Variants in MTMR7 observed in about 807,000 individuals in gnomAD.
MTMR7 encodes phosphatidylinositol-3-phosphate phosphatase MTMR7.
MTMR7 carries 76 observed loss-of-function variants against 81.2 expected under a neutral mutation model. The ratio of observed to expected loss-of-function variants is 0.94; its 90% CI spans 0.78 to 1.13. The LOEUF (loss-of-function observed/expected upper bound fraction) is 1.13, where lower values mean the gene tolerates loss of function less well. Ranked by LOEUF, MTMR7 falls within the 50% of genes most tolerant of loss-of-function variation. The pLI, the probability that MTMR7 is intolerant of heterozygous loss-of-function variation, is 0.00. For missense variants in MTMR7, 1,044 were observed against 820.0 expected, an observed-to-expected ratio of 1.27 and a Z score of -3.34; for synonymous variants, 372 against 289.8, an observed-to-expected ratio of 1.28 and a Z score of -2.88.
At chr8:17,346,884 T>TAAA (rs55910829) in intron 5 of MTMR7, among the ~76,000 whole-genome samples, 4,448 of 65,040 alleles carry the variant, frequency 0.068, 417 homozygotes, top group Non-Finnish European at 0.099. Context: ...CCTATCTTAA[T>TAAA]AAAAAAAAAA....
At chr8:17,301,622 A>G (rs1327698223) in intron 13 of MTMR7, 1 of 152,764 alleles carries the variant, frequency 6.5e-6, no homozygotes, top group Non-Finnish European at 1.5e-5. Flanking sequence ...AGATGTTCAT[A>G]AACTACATTA....
intron 1 of MTMR7, among the ~76,000 whole-genome samples, chr8:17,410,329 A>T (rs1274757174): frequency 1.3e-5 from 2 of 152,216 alleles, no homozygotes; most frequent in Non-Finnish European, 2.9e-5. Context: ...ACTTACCAGG[A>T]TCCTGGACAC....
chr8:17,354,119 T>C (rs1009721975), intron 4 of MTMR7, among the ~76,000 whole-genome samples: 1 of 152,196 alleles, frequency 6.6e-6, no homozygotes, highest in Admixed American at 6.5e-5. Context: ...CTGAGCACTG[T>C]AGGGTAAGAG....
At chr8:17,392,487 T>G (rs1420543361) in intron 1 of MTMR7, among the ~76,000 whole-genome samples, 1 of 152,216 alleles carries the variant, frequency 6.6e-6, no homozygotes, top group East Asian at 1.9e-4. Context: ...CCCTCTTACT[T>G]TCCTCCACTA....
At chr8:17,345,490 T>C (rs116546243) in intron 5 of MTMR7, among the ~76,000 whole-genome samples, 1 of 152,342 alleles carries the variant, frequency 6.6e-6, no homozygotes, top group African/African-American at 2.4e-5. Context: ...TGTGGTGTCC[T>C]CCTCCCCTTG....
chr8:17,301,453 C>A (rs548626665), intron 13 of MTMR7, among the ~76,000 whole-genome samples: 1 of 152,142 alleles, frequency 6.6e-6, no homozygotes, highest in South Asian at 2.1e-4. Flanking sequence ...GTAGGAAGGT[C>A]TAAATTGTAT....
At chr8:17,336,270 C>T (rs1021704900) in intron 6 of MTMR7, among the ~76,000 whole-genome samples, 1 of 152,120 alleles carries the variant, frequency 6.6e-6, no homozygotes, top group Non-Finnish European at 1.5e-5. Flanking sequence ...GGCGGCTGAG[C>T]CCTTTTAGGA....
At chr8:17,373,263 A>G in intron 1 of MTMR7, 23 bp from the exon 2 acceptor site, 1 of 1,605,586 alleles carries the variant, frequency 6.2e-7, no homozygotes, top group South Asian at 1.1e-5. Flanking sequence ...GCATGATGAA[A>G]AGAGTTACCG....
chr8:17,329,695 G>T (rs1334198547), intron 7 of MTMR7, among the ~76,000 whole-genome samples: 4 of 152,200 alleles, frequency 2.6e-5, no homozygotes, highest in African/African-American at 9.7e-5. Flanking sequence ...TCAGACTAAA[G>T]TCAGACTGCC....
chr8:17,350,759 T>C (rs958878778), intron 4 of MTMR7, among the ~76,000 whole-genome samples: 1 of 152,314 alleles, frequency 6.6e-6, no homozygotes, highest in African/African-American at 2.4e-5. Flanking sequence ...TGACCTCCAC[T>C]GTCTTTGTTA....
At chr8:17,354,506 G>A (rs980653762) in intron 4 of MTMR7, among the ~76,000 whole-genome samples, 2 of 152,194 alleles carry the variant, frequency 1.3e-5, no homozygotes, top group Non-Finnish European at 2.9e-5. Flanking sequence ...TATAAATAGC[G>A]ATGGTGGTAA....
In MTMR7 at chr8:17,396,898, T is replaced by C. The variant is rs193210121; in HGVS notation, c.24+16371A>G. On this transcript the variant is annotated intron_variant, in intron 1 of 13. Transcript: ENST00000180173. ...ACAACTCAGCTACAAAAGGATCAGATACCAGGCAGAGTTAGTTGTGAGGCC... is the reference window on the plus strand; with the variant it reads ...ACAACTCAGCTACAAAAGGATCAGACACCAGGCAGAGTTAGTTGTGAGGCC... 3.4e-3 allele frequency among the ~76,000 whole-genome samples: 521 copies of C among 151,896 alleles called. 2 individuals carry two copies. Among genetic ancestry groups the C allele is most frequent in the African/African-American group, 0.011 (474 of 41,458 alleles).
At chr8:17,328,174 A>T (rs1205758918) in intron 7 of MTMR7, among the ~76,000 whole-genome samples, 1 of 152,186 alleles carries the variant, frequency 6.6e-6, no homozygotes, top group Non-Finnish European at 1.5e-5. Flanking sequence ...CAGAGGAGGA[A>T]GATGTCCCTG....
chr8:17,311,444 T>G, intron 9 of MTMR7, 67 bp downstream of exon 9: 1 of 1,602,184 alleles, frequency 6.2e-7, no homozygotes, highest in Non-Finnish European at 8.5e-7. Flanking sequence ...TGCCAGTAGT[T>G]GTAAAAACAG....
At chr8:17,404,482 A>G (rs147013254) in intron 1 of MTMR7, among the ~76,000 whole-genome samples, 168 of 152,346 alleles carry the variant, frequency 1.1e-3, no homozygotes, top group African/African-American at 3.6e-3. Flanking sequence ...TATGGATCTT[A>G]TCAGTACTAT....
chr8:17,341,724 T>C (rs1186944458), intron 5 of MTMR7, among the ~76,000 whole-genome samples: 1 of 152,174 alleles, frequency 6.6e-6, no homozygotes, highest in African/African-American at 2.4e-5. Context: ...ATATTAGGAA[T>C]GTGTAGAGAT....
chr8:17,321,074 A>G (rs1037919734), intron 7 of MTMR7, among the ~76,000 whole-genome samples: 5 of 152,174 alleles, frequency 3.3e-5, no homozygotes, highest in Non-Finnish European at 5.9e-5. Flanking sequence ...CTCGTTGATT[A>G]TAAGTTCAGG....
intron 1 of MTMR7, among the ~76,000 whole-genome samples, chr8:17,379,980 A>AGTAATTAAGGAAGAGCTAG (rs1036996679): frequency 6.6e-5 from 10 of 152,142 alleles, no homozygotes; most frequent in African/African-American, 2.4e-4. Flanking sequence ...AGGAGGGGAG[A>AGTAATTAAGGAAGAGCTAG]GTAATTAAGG....
At chr8:17,368,816 G>A (rs1194568498) in intron 3 of MTMR7, among the ~76,000 whole-genome samples, 1 of 152,134 alleles carries the variant, frequency 6.6e-6, no homozygotes, top group Admixed American at 6.5e-5. Flanking sequence ...CTCCTCTTAG[G>A]TGATGGCTTT....
Sources: gnomAD v4.1 joint callset for allele counts (sites outside exome capture counted in the v4.1 genomes callset) on GRCh38, gnomAD v4.1.1 for gene constraint, MANE v1.5 for transcripts, NCBI Gene and HGNC (gene_info 2026-07-23, HGNC 2026-07-21) for gene names.